Variants in WDR47 observed in about 807,000 individuals in gnomAD.
WDR47 encodes WD repeat-containing protein 47.
In WDR47, 32 loss-of-function variants were observed where a neutral mutation model predicts 97.2. The ratio of observed to expected loss-of-function variants is 0.33; its 90% confidence interval spans 0.25 to 0.44. WDR47 has a LOEUF of 0.44. Ranked by LOEUF, WDR47 falls within the 20% of genes least tolerant of loss-of-function variation. The pLI is 1.00. For missense variants in WDR47, 782 were observed against 1,102.3 expected, an observed-to-expected ratio of 0.71 and a Z score of 4.11; for synonymous variants, 375 against 373.5, an observed-to-expected ratio of 1.00 and a Z score of -0.05.
chr1:108,979,749 T>C (rs1658195395), intron 13 of WDR47, among the ~76,000 whole-genome samples: 1 of 152,114 alleles, frequency 6.6e-6, no homozygotes, highest in South Asian at 2.1e-4. Context: ...TTCAATAGAG[T>C]TATATCAGTT....
At chr1:108,977,405 C>T (rs1162005452) in intron 13 of WDR47, among the ~76,000 whole-genome samples, 2 of 152,086 alleles carry the variant, frequency 1.3e-5, no homozygotes, top group Admixed American at 6.5e-5. Context: ...CCACCCACCT[C>T]GGCCTCCCAA....
At chr1:108,973,141 T>A (rs1000456543) in intron 14 of WDR47, among the ~76,000 whole-genome samples, 4 of 151,948 alleles carry the variant, frequency 2.6e-5, no homozygotes, top group Admixed American at 1.3e-4. Context: ...TTCCTCCTCA[T>A]CATTCTGGTC....
chr1:108,995,456 GA>G, intron 8 of WDR47, 123 bp downstream of exon 8: 25 of 1,132,176 alleles, frequency 2.2e-5, no homozygotes, highest in East Asian at 4.7e-5. Context: ...GGCAGATTAG[GA>G]AAAAAAATTG....
intron 1 of WDR47, chr1:109,030,386 TAAAA>T (rs1662533334): frequency 2.4e-6 from 1 of 418,564 alleles, no homozygotes; most frequent in Admixed American, 4.2e-5. Flanking sequence ...AAATAAAAAA[TAAAA>T]TAAAATAAAA....
At chr1:108,977,755 G>A (rs758057776) in intron 13 of WDR47, among the ~76,000 whole-genome samples, 6 of 152,278 alleles carry the variant, frequency 3.9e-5, no homozygotes, top group Admixed American at 6.5e-5. Flanking sequence ...TTGAACCCAG[G>A]AGGCAGAGGT....
chr1:109,035,027 G>A (rs554253957), intron 1 of WDR47, among the ~76,000 whole-genome samples: 12 of 151,848 alleles, frequency 7.9e-5, no homozygotes, highest in Non-Finnish European at 1.0e-4. Context: ...GGCTGAGATC[G>A]GAGGATAGCT....
In WDR47 at chr1:109,013,842, T is replaced by G; in HGVS notation, c.326A>C (p.His109Pro). Reference protein sequence around the residue: ...NAMSAEDEPQHLEFTMQEAVQ... With the variant: ...NAMSAEDEPQPLEFTMQEAVQ... Reference sequence around the variant, plus strand: ...AACCTTCAGGAATAAAAATCTTACATGCTGGGGCTCATCTTCTGCTGACAT... The same window carrying G: ...AACCTTCAGGAATAAAAATCTTACAGGCTGGGGCTCATCTTCTGCTGACAT... The change falls in exon 4 of 15, where the codon CAT (histidine) becomes CCT (proline). Residue 109 changes from histidine (H) to proline (P), a missense_variant and splice_region_variant. Around this residue, in one of 3 missense-constraint regions of WDR47, gnomAD observed 428 missense variants for 584.3 expected, o/e 0.73. Coordinates refer to ENST00000369962, the MANE Select transcript of WDR47 (RefSeq NM_001142551.2). 6.2e-7 allele frequency: 1 copy of G among 1,613,490 alleles called. No homozygotes were observed. The highest frequency in any genetic ancestry group is 2.2e-5 in the East Asian group (1 of 44,858).
intron 1 of WDR47, 32 bp downstream of exon 1, chr1:109,041,830 C>G (rs1268711928): frequency 6.6e-6 from 1 of 152,280 alleles, no homozygotes; most frequent in East Asian, 1.9e-4. Context: ...TGCAGCGGAC[C>G]GACCCAGCCT....
At chr1:109,018,651 C>T (rs914599435) in intron 2 of WDR47, among the ~76,000 whole-genome samples, 1 of 151,950 alleles carries the variant, frequency 6.6e-6, no homozygotes, top group African/African-American at 2.4e-5. Context: ...CCTGGCTCTA[C>T]AAAAAATACA....
intron 5 of WDR47, among the ~76,000 whole-genome samples, chr1:109,005,357 G>A (rs1660518130): frequency 6.6e-6 from 1 of 152,152 alleles, no homozygotes; most frequent in East Asian, 1.9e-4. Flanking sequence ...AGGTTACAGT[G>A]AGCCAAGATC....
chr1:109,015,307 T>C (rs2101963250), intron 3 of WDR47, among the ~76,000 whole-genome samples: 1 of 152,166 alleles, frequency 6.6e-6, no homozygotes, highest in East Asian at 1.9e-4. Flanking sequence ...AAAAAGGTGA[T>C]TTTATTTATT....
chr1:109,019,232 A>T (rs949178295), intron 2 of WDR47, among the ~76,000 whole-genome samples: 1 of 152,064 alleles, frequency 6.6e-6, no homozygotes, highest in East Asian at 1.9e-4. Flanking sequence ...AAAATACAAA[A>T]ATTAGCCAGG....
At chr1:109,002,197 A>C (rs375242214) in intron 7 of WDR47, 27 bp downstream of exon 7, 16 of 1,522,318 alleles carry the variant, frequency 1.1e-5, no homozygotes, top group Non-Finnish European at 8.8e-7. Flanking sequence ...ATAACTCCAT[A>C]TTTTAAAAAG....
At chr1:108,989,050 C>T (rs1659101100) in intron 9 of WDR47, among the ~76,000 whole-genome samples, 1 of 152,154 alleles carries the variant, frequency 6.6e-6, no homozygotes, top group Non-Finnish European at 1.5e-5. Context: ...AGCCACCACG[C>T]CTAGCCTCAT....
intron 2 of WDR47, among the ~76,000 whole-genome samples, chr1:109,021,490 T>C (rs1211162437): frequency 7.2e-6 from 1 of 139,350 alleles, no homozygotes; most frequent in Non-Finnish European, 1.5e-5. Flanking sequence ...ATCATGCCAC[T>C]GCACCCCAGC....
intron 8 of WDR47, 56 bp downstream of exon 8, chr1:108,995,524 T>C (rs1659676398): frequency 8.8e-6 from 14 of 1,591,740 alleles, no homozygotes; most frequent in Admixed American, 3.4e-5. Context: ...AAGTTCAACC[T>C]TCTAACCATT....
At chr1:108,992,833 G>C (rs1571171134) in intron 8 of WDR47, 6 of 1,488,392 alleles carry the variant, frequency 4.0e-6, no homozygotes, top group Non-Finnish European at 5.5e-6. Context: ...TGGCACGGGA[G>C]TAAATTCAGC....
rs1444500864 is a variant in WDR47, at chr1:109,030,735, A to G, written c.-9-7214T>C. Among the ~76,000 whole-genome samples, 4 of 121,850 alleles carry G rather than the reference A, an allele frequency of 3.3e-5. No homozygotes were observed. In the East Asian group the frequency reaches 7.4e-4, roughly 23 times the overall value. 79.9% of individuals were successfully genotyped at this position (121,850 alleles called of 152,430 possible). ...TCAATAAAATACCAAACTGCAACAC[A>G]GGACTACTGCATCTTTTCCTTTAAA... On this transcript the variant is annotated intron_variant, in intron 1 of 14. Transcript: ENST00000369962.
In WDR47 at chr1:109,030,832, C is replaced by T. The variant is rs369656534; in HGVS notation, c.-9-7311G>A. 8.9e-4 allele frequency among the ~76,000 whole-genome samples: 122 copies of T among 136,420 alleles called. 12 individuals carry two copies. The South Asian group carries it at 0.025, about 28-fold the overall frequency. The allele number at this position is 136,420 out of a possible 152,430, so 89.5% of individuals were successfully genotyped here. A position where few individuals can be genotyped will look rare whatever the true frequency, so the allele number is the denominator to read the frequency against. ...ATGGCATTCAAAAAACTTTATGTTG[C>T]TGCCAGGTCATTTAATTTTAAATGT... On this transcript the variant is annotated intron_variant, in intron 1 of 14. Transcript: ENST00000369962.
Sources: allele counts gnomAD v4.1 joint callset (sites outside exome capture counted in the v4.1 genomes callset), GRCh38; gene constraint gnomAD v4.1.1; regional missense constraint gnomAD v4.1.1; transcripts MANE v1.5; gene names NCBI Gene and HGNC (gene_info 2026-07-23, HGNC 2026-07-21).